FBF1: variants seen among roughly 807,000 people sequenced by gnomAD.
FBF1 encodes fas-binding factor 1.
A neutral mutation model predicts 147.2 loss-of-function variants in FBF1; 119 were observed. The observed-to-expected ratio is 0.81, with a 90% CI of 0.70 to 0.94. The LOEUF (loss-of-function observed/expected upper bound fraction) is 0.94. Among genes scored for constraint, FBF1 ranks in the 40% least tolerant of loss-of-function variants. The pLI is 0.00. For synonymous variants in FBF1, 601 were observed against 609.0 expected (o/e 0.99, Z 0.19); for missense variants, 1,449 against 1,500.8 (o/e 0.97, Z 0.57).
intron 23 of FBF1, 46 bp downstream of exon 23, chr17:75,917,686 G>A (rs1421493792): frequency 8.7e-6 from 13 of 1,497,156 alleles, no homozygotes; most frequent in Non-Finnish European, 1.2e-5. Context: ...CTGGAGAAGA[G>A]GCCCCGTGGC....
intron 1 of FBF1, among the ~76,000 whole-genome samples, chr17:75,940,151 C>G (rs2065652998): frequency 6.6e-6 from 1 of 151,480 alleles, no homozygotes; most frequent in Non-Finnish European, 1.5e-5. Flanking sequence ...TCACTGTTGG[C>G]CAGGAGGTCT....
intron 25 of FBF1, 150 bp downstream of exon 25, chr17:75,914,597 T>C: frequency 1.2e-6 from 1 of 858,858 alleles, no homozygotes; most frequent in Non-Finnish European, 1.7e-6. Flanking sequence ...AGGAAGATGT[T>C]AGCATGATGA....
chr17:75,912,117 G>T, intron 29 of FBF1, 75 bp downstream of exon 29: 1 of 1,416,724 alleles, frequency 7.1e-7, no homozygotes, highest in Non-Finnish European at 9.7e-7. Flanking sequence ...GGGCTACCAT[G>T]TGCTCCTCCC....
In FBF1 at chr17:75,918,379, C is replaced by A; in HGVS notation, c.2139-110G>T. The A allele has an allele frequency of 1.2e-6, 1 of 832,376 alleles. No individual in the cohort carries two copies. The highest frequency in any genetic ancestry group is 2.7e-5 in the Admixed American group (1 of 37,170). 51.6% of individuals were successfully genotyped at this position (832,376 alleles called of 1,614,324 possible). Reference sequence around the variant, plus strand: ...TGCAGCCCTTGCTCCCAGGCCTCTCCTCCGCCGGGCACTGCCTCAGTTTCC... The same window carrying A: ...TGCAGCCCTTGCTCCCAGGCCTCTCATCCGCCGGGCACTGCCTCAGTTTCC... On this transcript the variant is annotated intron_variant, in intron 20 of 29. Transcript: ENST00000636174. The surrounding 1 kb of genome is among the most constrained non-coding windows in gnomAD (Gnocchi z 5.8).
At chr17:75,935,805 T>A in intron 3 of FBF1, 132 bp from the exon 4 acceptor site, 1 of 751,832 alleles carries the variant, frequency 1.3e-6, no homozygotes, top group South Asian at 2.0e-5. Flanking sequence ...TCTCCTTTCA[T>A]TGGCCACGAG....
chr17:75,918,274 G>C lies in FBF1; in HGVS notation c.2139-5C>G, dbSNP rs2065501991. On this transcript the variant is annotated splice_region_variant and splice_polypyrimidine_tract_variant and intron_variant, in intron 20 of 29. Transcript: ENST00000636174. This position sits in a 1 kb window ranked among gnomAD's most constrained non-coding sequence, Gnocchi z 5.8. ...CGCATGTCTAGGATGGACGCCCTGA[G>C]GGGAGGCGGGAGGGGAAGGCGGTCA... 1 of 1,610,966 alleles carries C rather than the reference G, an allele frequency of 6.2e-7. No individual in the cohort carries two copies. Among genetic ancestry groups the C allele is most frequent in the Non-Finnish European group, 8.5e-7 (1 of 1,178,348 alleles).
Position 75,914,700 on chromosome 17 carries a change from C to G in FBF1, c.2814+47G>C, listed in dbSNP as rs1339316337. 4 of 1,475,376 alleles carry G rather than the reference C, an allele frequency of 2.7e-6. No individual in the cohort carries two copies. The Admixed American group carries it at 9.8e-5, about 36-fold the overall frequency. 91.4% of individuals were successfully genotyped at this position (1,475,376 alleles called of 1,614,324 possible). A position where few individuals can be genotyped will look rare whatever the true frequency, so the allele number is the denominator to read the frequency against. Reference sequence around the variant, plus strand: ...AAGCGGATGTGTCCAGATGGAGGGGCGCAGGCAACCCTGGGCCCTCCACTG... The same window carrying G: ...AAGCGGATGTGTCCAGATGGAGGGGGGCAGGCAACCCTGGGCCCTCCACTG... On this transcript the variant is annotated intron_variant, in intron 25 of 29. Coordinates refer to ENST00000636174, the MANE Select transcript of FBF1 (RefSeq NM_001319193.2).
At position 75,909,958 on chromosome 17, in the gene FBF1, C is replaced by A. The variant is rs1200435339; in HGVS notation, c.*765G>T. ...GTTCCTTGTCGCCTCCACTGCGTAC[C>A]CGCTGAGCTGGGCTTTGGGCAGGTG... On this transcript the variant is annotated 3_prime_UTR_variant, in exon 30 of 30. Transcript: ENST00000636174. 7.2e-6 allele frequency: 5 copies of A among 696,660 alleles called. No homozygotes were observed. The highest frequency in any genetic ancestry group is 3.5e-5 in the African/African-American group (2 of 57,160). 43.2% of individuals were successfully genotyped at this position (696,660 alleles called of 1,614,324 possible).
At chr17:75,930,233 G>A (rs1044307492) in intron 6 of FBF1, 186 bp from the exon 7 acceptor site, 19 of 591,368 alleles carry the variant, frequency 3.2e-5, no homozygotes, top group Non-Finnish European at 5.4e-5. Context: ...GTTGTTTGAA[G>A]CCAAACCTGC....
At chr17:75,914,455 A>G (rs1042789447) in intron 25 of FBF1, 157 bp from the exon 26 acceptor site, 2 of 1,181,098 alleles carry the variant, frequency 1.7e-6, no homozygotes, top group Non-Finnish European at 2.3e-6. Context: ...GCCAAGCCGG[A>G]GTGCTGCCCT....
intron 7 of FBF1, among the ~76,000 whole-genome samples, chr17:75,929,094 G>A (rs556142933): frequency 1.3e-5 from 2 of 151,780 alleles, no homozygotes; most frequent in South Asian, 2.1e-4. Flanking sequence ...AGGCTCAAGC[G>A]AGCCTACTGC....
In FBF1 at chr17:75,923,183, T is replaced by C. The variant is rs893394991; in HGVS notation, c.1424+3A>G. The stretch of plus-strand genomic sequence containing the variant: ...TACTAGCCACAGCAGCCTAAGTCAG[T>C]ACCTGCCAGAAGGGGGATGGCCCGC... On this transcript the variant is annotated splice_donor_region_variant and intron_variant, in intron 14 of 29. Coordinates refer to ENST00000636174, the MANE Select transcript of FBF1 (RefSeq NM_001319193.2). The surrounding 1 kb of genome is among the most constrained non-coding windows in gnomAD (Gnocchi z 4.1). 2.5e-6 allele frequency: 4 copies of C among 1,573,648 alleles called. No individual in the cohort carries two copies. The highest frequency in any genetic ancestry group is 3.4e-6 in the Non-Finnish European group (4 of 1,160,212).
chr17:75,932,246 G>T (rs1812764549), intron 5 of FBF1, among the ~76,000 whole-genome samples: 1 of 152,160 alleles, frequency 6.6e-6, no homozygotes, highest in South Asian at 2.1e-4. Flanking sequence ...ACGTGGTGGT[G>T]TGTGCCTGTA....
intron 6 of FBF1, among the ~76,000 whole-genome samples, chr17:75,930,514 C>T (rs572744113): frequency 7.9e-5 from 12 of 152,334 alleles, no homozygotes; most frequent in African/African-American, 2.6e-4. Context: ...AATCCCAGCA[C>T]TTTGGGAGGC....
In FBF1 at chr17:75,925,318, A is replaced by G; in HGVS notation, c.968+29T>C. The G allele has an allele frequency of 6.3e-7, 1 of 1,584,582 alleles. No individual in the cohort carries two copies. Among genetic ancestry groups the G allele is most frequent in the Non-Finnish European group, 8.6e-7 (1 of 1,159,148 alleles). On this transcript the variant is annotated intron_variant, in intron 13 of 29. Coordinates refer to ENST00000636174, the MANE Select transcript of FBF1 (RefSeq NM_001319193.2). The surrounding 1 kb of genome is among the most constrained non-coding windows in gnomAD (Gnocchi z 5.0). ...TTCCCAGTGGCCGACCTGTCTCAAG[A>G]GGCCAAGCCTCCTGCAGGCCCCACT...
chr17:75,915,965 G>A (rs559970610), intron 23 of FBF1, among the ~76,000 whole-genome samples: 2 of 138,562 alleles, frequency 1.4e-5, no homozygotes, highest in Admixed American at 8.0e-5. Flanking sequence ...CTGAGATTGC[G>A]CCACTACACT....
chr17:75,931,153 C>A, intron 6 of FBF1, 76 bp downstream of exon 6: 4 of 1,470,700 alleles, frequency 2.7e-6, no homozygotes, highest in Middle Eastern at 3.4e-4. Flanking sequence ...CTTCCGTGGG[C>A]AGCCCCTTGG....
rs759390985 is a variant in FBF1, at chr17:75,937,643, G to A, written c.4-50C>T. 3 of 1,604,558 alleles carry A rather than the reference G, an allele frequency of 1.9e-6. No homozygotes were observed. In the African/African-American group the frequency reaches 4.0e-5, roughly 21 times the overall value. ...TCAAGAAAACCAAACAGTGAACACA[G>A]GTGGAAATTGGCAATGCAGAATGAA... is the stretch of plus-strand genomic sequence containing the variant. On this transcript the variant is annotated intron_variant, in intron 2 of 29. Transcript: ENST00000636174.
chr17:75,921,117 A>G, intron 17 of FBF1, 127 bp downstream of exon 17: 1 of 955,584 alleles, frequency 1.0e-6, no homozygotes, highest in East Asian at 2.6e-5. Flanking sequence ...GAGCTGGCTG[A>G]CGTCACATTT....
Sources: allele counts gnomAD v4.1 joint callset (sites outside exome capture counted in the v4.1 genomes callset), GRCh38; gene constraint gnomAD v4.1.1; non-coding constraint Gnocchi (gnomAD v3.1); transcripts MANE v1.5; gene names NCBI Gene and HGNC (gene_info 2026-07-23, HGNC 2026-07-21).